Variants in RAD21 observed in about 807,000 individuals in gnomAD.
RAD21 encodes double-strand-break repair protein rad21 homolog.
In RAD21, 18 loss-of-function variants were observed where a neutral mutation model predicts 71.5. That is an observed-to-expected ratio of 0.25 (90% CI 0.17 to 0.37). The LOEUF (loss-of-function observed/expected upper bound fraction) is 0.37. Among genes scored for constraint, RAD21 ranks in the 10% least tolerant of loss-of-function variants. RAD21 has a pLI of 1.00. For missense variants in RAD21, 493 were observed against 769.1 expected (o/e 0.64, Z 4.25); for synonymous variants, 248 against 254.0 (o/e 0.98, Z 0.22).
chr8:116,857,543 A>G, intron 5 of RAD21, 70 bp from the exon 6 acceptor site: 1 of 1,239,696 alleles, frequency 8.1e-7, no homozygotes, highest in Non-Finnish European at 1.1e-6. Context: ...GAAAACTGCT[A>G]ATGATTTATT....
At chr8:116,852,972 G>A (rs547391115) in intron 9 of RAD21, among the ~76,000 whole-genome samples, 1 of 152,078 alleles carries the variant, frequency 6.6e-6, no homozygotes, top group Non-Finnish European at 1.5e-5. Flanking sequence ...TCTGCCTGCA[G>A]TTTATTTTCA....
intron 5 of RAD21, among the ~76,000 whole-genome samples, chr8:116,857,997 A>G (rs1812506496): frequency 6.6e-6 from 1 of 152,202 alleles, no homozygotes; most frequent in Non-Finnish European, 1.5e-5. Context: ...AAAAAACAAT[A>G]TGCCTTGCTA....
rs1047468452 is a variant in RAD21, at chr8:116,874,770, A to C, written c.-192T>G. On this transcript the variant is annotated 5_prime_UTR_variant, in exon 1 of 14. Coordinates refer to ENST00000297338, the MANE Select transcript of RAD21 (RefSeq NM_006265.3). ...CCTCCTTTCCGATTCACTCAAACAA[A>C]CAAGATGGCTGCCGTTACGCCGCGG... 1 of 456,270 alleles carries C rather than the reference A, an allele frequency of 2.2e-6. No individual in the cohort carries two copies. The highest frequency in any genetic ancestry group is 4.4e-6 in the Non-Finnish European group (1 of 226,814). 28.3% of individuals were successfully genotyped at this position (456,270 alleles called of 1,614,324 possible).
chr8:116,850,616 ACCTCTT>A lies in RAD21; in HGVS notation c.1616_1620+1del. Reference sequence around the variant, plus strand: ...TGGAATGAAAATTATTAATTAGTTTACCTCTTCCTCTTCATCATCTTCTTTTTCCTT... The same window carrying A: ...TGGAATGAAAATTATTAATTAGTTTACCTCTTCATCATCTTCTTTTTCCTT... On this transcript the variant is annotated splice_donor_variant and coding_sequence_variant, in exon 12 of 14. Transcript: ENST00000297338. LOFTEE classifies it high-confidence loss of function. 4 of 1,608,256 alleles carry A rather than the reference ACCTCTT, an allele frequency of 2.5e-6. No homozygotes were observed. Among genetic ancestry groups the A allele is most frequent in the Non-Finnish European group, 3.4e-6 (4 of 1,176,248 alleles).
chr8:116,852,179 C>T (rs543242957), intron 10 of RAD21, 83 bp from the exon 11 acceptor site: 11 of 1,221,260 alleles, frequency 9.0e-6, no homozygotes, highest in East Asian at 2.5e-5. Flanking sequence ...TAAACTAGTA[C>T]ACTAAGACAT....
intron 12 of RAD21, 106 bp from the exon 13 acceptor site, chr8:116,849,135 T>C: frequency 2.8e-6 from 2 of 723,258 alleles, no homozygotes; most frequent in Non-Finnish European, 4.2e-6. Context: ...TTGTGTATTT[T>C]GAACTAATAG....
chr8:116,863,432 G>T (rs191011655), intron 2 of RAD21, among the ~76,000 whole-genome samples, 173 bp from the exon 3 acceptor site: 6 of 151,984 alleles, frequency 3.9e-5, no homozygotes, highest in African/African-American at 1.5e-4. Flanking sequence ...GGAAATTCAC[G>T]AATTAACACA....
chr8:116,848,533 G>A (rs1255741910), intron 13 of RAD21, among the ~76,000 whole-genome samples: 1 of 152,188 alleles, frequency 6.6e-6, no homozygotes, highest in East Asian at 1.9e-4. Flanking sequence ...GGACATTAAA[G>A]CACAAGGAAA....
In RAD21 at chr8:116,852,713, TA is replaced by T. The variant is rs369816312; in HGVS notation, c.1162-6del. 99,422 of 1,058,964 alleles carry T rather than the reference TA, an allele frequency of 0.094. 161 individuals are homozygous for T. Among genetic ancestry groups the T allele is most frequent in the Middle Eastern group, 0.13 (493 of 3,860 alleles). The allele number at this position is 1,058,964 out of a possible 1,614,324, so 65.6% of individuals were successfully genotyped here. On this transcript the variant is annotated splice_polypyrimidine_tract_variant and splice_region_variant and intron_variant, in intron 9 of 13. Coordinates refer to ENST00000297338, the MANE Select transcript of RAD21 (RefSeq NM_006265.3). ...TGTAAGACAGCGTGTAAAGAGCTAT[TA>T]AAAAAAAAAAAAAGAAAAATTTCAA...
At chr8:116,864,028 G>C (rs1812643404) in intron 2 of RAD21, among the ~76,000 whole-genome samples, 1 of 151,920 alleles carries the variant, frequency 6.6e-6, no homozygotes, top group Non-Finnish European at 1.5e-5. Flanking sequence ...CATACTAATT[G>C]ATAAAGAACA....
chr8:116,861,563 A>G (rs1018105910), intron 4 of RAD21, among the ~76,000 whole-genome samples: 3 of 151,888 alleles, frequency 2.0e-5, no homozygotes, highest in African/African-American at 7.3e-5. Context: ...CTATCATTAT[A>G]TAACAAGCGT....
intron 1 of RAD21, among the ~76,000 whole-genome samples, chr8:116,873,191 T>C (rs1183066602): frequency 6.6e-6 from 1 of 152,186 alleles, no homozygotes; most frequent in Non-Finnish European, 1.5e-5. Context: ...TGTACCAAAC[T>C]GTAAAAGCGT....
chr8:116,854,866 T>C (rs1812429930), intron 8 of RAD21, among the ~76,000 whole-genome samples: 2 of 152,204 alleles, frequency 1.3e-5, no homozygotes, highest in African/African-American at 2.4e-5. Context: ...TCTTTAATGA[T>C]TGTAAATACT....
chr8:116,852,169 T>C, intron 10 of RAD21, 73 bp from the exon 11 acceptor site: 2 of 1,320,210 alleles, frequency 1.5e-6, no homozygotes, highest in Non-Finnish European at 2.1e-6. Flanking sequence ...ATTTATTTTT[T>C]AAACTAGTAC....
At chr8:116,863,405 GAA>G in intron 2 of RAD21, 146 bp from the exon 3 acceptor site, 1 of 880,938 alleles carries the variant, frequency 1.1e-6, no homozygotes, top group Non-Finnish European at 1.7e-6. Flanking sequence ...CGAATATCCT[GAA>G]AAGACAGAGT....
chr8:116,874,639 TGGGTGGCCC>T lies in RAD21; in HGVS notation c.-70_-62del. On this transcript the variant is annotated 5_prime_UTR_variant, in exon 1 of 14. Transcript: ENST00000297338. ...GCTCTCCGCTGGGAGTTGGGCGGGC[TGGGTGGCCC>T]GGGGAGGGGAAAAGGGTCGGGGGAG... The T allele has an allele frequency of 2.0e-5, 5 of 244,486 alleles. No individual in the cohort carries two copies. Among genetic ancestry groups the T allele is most frequent in the South Asian group, 1.1e-4 (5 of 46,182 alleles). 15.1% of individuals were successfully genotyped at this position (244,486 alleles called of 1,614,324 possible).
intron 1 of RAD21, among the ~76,000 whole-genome samples, chr8:116,870,346 G>A (rs1158637322): frequency 6.6e-6 from 1 of 152,014 alleles, no homozygotes; most frequent in East Asian, 1.9e-4. Flanking sequence ...GGTCAATATA[G>A]CAAGACCCCG....
rs1303862261 is a variant in RAD21, at chr8:116,846,703, C to T, written c.*797G>A. The T allele has an allele frequency of 4.5e-6, 1 of 221,990 alleles. No homozygotes were observed. The highest frequency in any genetic ancestry group is 6.6e-5 in the East Asian group (1 of 15,092). 13.8% of individuals were successfully genotyped at this position (221,990 alleles called of 1,614,324 possible). On this transcript the variant is annotated 3_prime_UTR_variant, in exon 14 of 14. Coordinates refer to ENST00000297338, the MANE Select transcript of RAD21 (RefSeq NM_006265.3). ...ATCGGAATACTCAAATATATCCAAA[C>T]ATCTTTTTAAAACTTTGATTTATAG...
rs772038531 is a variant in RAD21 at position 116,846,811 on chromosome 8, C to A, written c.*689G>T. ...TCATTTTGGAGCCTCACTAAAATAA[C>A]AGATTTCAGTATAGCCAAGTTCATC... On this transcript the variant is annotated 3_prime_UTR_variant, in exon 14 of 14. Coordinates refer to ENST00000297338, the MANE Select transcript of RAD21 (RefSeq NM_006265.3). The A allele has an allele frequency of 4.5e-6, 1 of 220,326 alleles. No individual in the cohort carries two copies. Among genetic ancestry groups the A allele is most frequent in the East Asian group, 6.7e-5 (1 of 14,956 alleles). 13.6% of individuals were successfully genotyped at this position (220,326 alleles called of 1,614,324 possible).
Sources: gnomAD v4.1 joint callset for allele counts (sites outside exome capture counted in the v4.1 genomes callset) on GRCh38, gnomAD v4.1.1 for gene constraint, MANE v1.5 for transcripts, NCBI Gene and HGNC (gene_info 2026-07-23, HGNC 2026-07-21) for gene names.